Variants in SCAF8 observed in about 807,000 individuals in gnomAD.
SCAF8 encodes SR-related and CTD-associated factor 8.
In SCAF8, 23 loss-of-function variants were observed where a neutral mutation model predicts 140.5. The observed-to-expected ratio is 0.16, with a 90% CI of 0.12 to 0.23. The LOEUF is 0.23. Among genes scored for constraint, SCAF8 ranks in the 10% least tolerant of loss-of-function variants. SCAF8 has a pLI of 1.00. For synonymous variants in SCAF8, 575 were observed against 528.9 expected (o/e 1.09, Z -1.20); for missense variants, 1,397 against 1,555.7 (o/e 0.90, Z 1.72).
intron 1 of SCAF8, among the ~76,000 whole-genome samples, chr6:154,745,924 C>T (rs1778688266): frequency 6.6e-6 from 1 of 151,982 alleles, no homozygotes; most frequent in Admixed American, 6.6e-5. Context: ...CTGTCACTGT[C>T]ACCCAGGCTA....
intron 10 of SCAF8, 102 bp from the exon 11 acceptor site, chr6:154,808,584 A>G: frequency 1.3e-6 from 1 of 753,770 alleles, no homozygotes; most frequent in Non-Finnish European, 2.3e-6. Flanking sequence ...TGTATTAGGC[A>G]TTAATGCTCC....
chr6:154,747,540 T>C (rs1441218589), intron 1 of SCAF8, among the ~76,000 whole-genome samples: 1 of 151,978 alleles, frequency 6.6e-6, no homozygotes, highest in Non-Finnish European at 1.5e-5. Context: ...CATATACGTA[T>C]ACATATACCA....
intron 12 of SCAF8, 145 bp downstream of exon 12, chr6:154,810,353 CATG>C (rs1778054474): frequency 3.6e-6 from 2 of 562,864 alleles, no homozygotes; most frequent in Non-Finnish European, 6.1e-6. Flanking sequence ...GTTTTTGTAA[CATG>C]ATAGAGAAGA....
chr6:154,737,711 G>A lies in SCAF8; in HGVS notation c.30+3781G>A, dbSNP rs116797311. 9.5e-3 allele frequency among the ~76,000 whole-genome samples: 1,442 copies of A among 152,064 alleles called. 27 individuals are homozygous for A. The highest frequency in any genetic ancestry group is 0.033 in the African/African-American group (1,370 of 41,492). On this transcript the variant is annotated intron_variant, in intron 1 of 19. Transcript: ENST00000367178. ...TGCGACCCTGAATCAGAAAAATTGAGACAGGTACTCGCTGTTGACAGGTCA... is the reference window on the plus strand; with the variant it reads ...TGCGACCCTGAATCAGAAAAATTGAAACAGGTACTCGCTGTTGACAGGTCA...
intron 6 of SCAF8, among the ~76,000 whole-genome samples, chr6:154,799,770 GAC>G (rs1476524689): frequency 2.0e-5 from 3 of 150,382 alleles, no homozygotes; most frequent in African/African-American, 7.3e-5. Context: ...GGCCTTCAGT[GAC>G]TGCTATTTAT....
chr6:154,780,358 T>C (rs1262002456), intron 3 of SCAF8, among the ~76,000 whole-genome samples: 1 of 151,542 alleles, frequency 6.6e-6, no homozygotes, highest in African/African-American at 2.4e-5. Context: ...TCCTTCCTTT[T>C]TTTTTTTTTT....
chr6:154,803,826 C>G (rs1213582318), intron 8 of SCAF8, among the ~76,000 whole-genome samples: 1 of 152,074 alleles, frequency 6.6e-6, no homozygotes, highest in Admixed American at 6.6e-5. Flanking sequence ...TAGACTGTAT[C>G]AAAGTTACCT....
intron 17 of SCAF8, 81 bp from the exon 18 acceptor site, chr6:154,827,091 T>A (rs1778587902): frequency 5.3e-6 from 6 of 1,137,268 alleles, no homozygotes; most frequent in Non-Finnish European, 6.4e-6. Context: ...ATATGAAGTT[T>A]CATTTGTAGC....
At position 154,805,457 on chromosome 6, in the gene SCAF8, C is replaced by A; in HGVS notation, c.952C>A (p.Gln318Lys). 6.2e-7 allele frequency: 1 copy of A among 1,609,094 alleles called. No homozygotes were observed. Among genetic ancestry groups the A allele is most frequent in the Non-Finnish European group, 8.5e-7 (1 of 1,176,332 alleles). Reference protein sequence around the residue: ...QQQNLEHLRQQLLEQQQPQKA... With the variant: ...QQQNLEHLRQKLLEQQQPQKA... The stretch of plus-strand genomic sequence containing the variant: ...GCAAAACCTAGAACATCTCAGACAG[C>A]AGCTCTTGGAGCAGCAACAGCCTCA... Residue 318 changes from glutamine to lysine, a missense_variant, in exon 9 of 20, where the codon CAG (glutamine) becomes AAG (lysine). Physicochemically the swap from Gln to Lys is moderately conservative, Grantham distance 53. This residue lies in a region of SCAF8 where 339 missense variants were observed against 407.5 expected (regional missense o/e 0.83). Transcript: ENST00000367178.
chr6:154,792,406 C>T (rs1006607815), intron 4 of SCAF8, among the ~76,000 whole-genome samples: 5 of 152,156 alleles, frequency 3.3e-5, no homozygotes, highest in African/African-American at 1.2e-4. Context: ...CTACAAGTTA[C>T]GTATTTGTTC....
intron 12 of SCAF8, among the ~76,000 whole-genome samples, chr6:154,814,258 C>G (rs1369114223): frequency 2.0e-5 from 3 of 152,140 alleles, no homozygotes; most frequent in Non-Finnish European, 2.9e-5. Flanking sequence ...GTGAAAGTTG[C>G]AGAGAGCTGA....
chr6:154,785,561 T>G (rs80129123), intron 3 of SCAF8, among the ~76,000 whole-genome samples: 7 of 152,362 alleles, frequency 4.6e-5, no homozygotes, highest in South Asian at 2.1e-4. Flanking sequence ...ACCATTAGTA[T>G]TATTCAGTGC....
chr6:154,819,113 T>C (rs1778340266), intron 14 of SCAF8, among the ~76,000 whole-genome samples: 2 of 152,172 alleles, frequency 1.3e-5, no homozygotes, highest in Admixed American at 1.3e-4. Context: ...TTACTTTCTA[T>C]GATTAACTCA....
At chr6:154,791,758 TAC>T in intron 4 of SCAF8, among the ~76,000 whole-genome samples, 1 of 152,266 alleles carries the variant, frequency 6.6e-6, no homozygotes, top group South Asian at 2.1e-4. Flanking sequence ...ACTGGAACCT[TAC>T]AAAAAATACA....
Position 154,833,295 on chromosome 6 carries a change from A to C in SCAF8, c.3716A>C (p.Lys1239Thr), listed in dbSNP as rs538455805. ...PVQNDPELYEKLTSSNEINKE... is the reference protein window; with the variant it reads ...PVQNDPELYETLTSSNEINKE... Reference sequence around the variant, plus strand: ...CAGAATGATCCTGAACTTTATGAAAAACTGACATCTTCAAATGAAATAAAC... The same window carrying C: ...CAGAATGATCCTGAACTTTATGAAACACTGACATCTTCAAATGAAATAAAC... Residue 1239 changes from lysine (K) to threonine (T), a missense_variant, in exon 20 of 20, where the codon AAA becomes ACA. Physicochemically the swap from Lys to Thr is moderately conservative, Grantham distance 78. Coordinates refer to ENST00000367178, the MANE Select transcript of SCAF8 (RefSeq NM_014892.5). 6.2e-7 allele frequency: 1 copy of C among 1,614,036 alleles called. No individual in the cohort carries two copies. The highest frequency in any genetic ancestry group is 2.2e-5 in the East Asian group (1 of 44,846).
intron 16 of SCAF8, 110 bp downstream of exon 16, chr6:154,822,519 G>A: frequency 8.9e-7 from 1 of 1,125,976 alleles, no homozygotes; most frequent in Non-Finnish European, 1.3e-6. Flanking sequence ...TAGAATAAAT[G>A]TTTGTCAGTA....
At chr6:154,743,109 T>G (rs1285728019) in intron 1 of SCAF8, among the ~76,000 whole-genome samples, 2 of 152,200 alleles carry the variant, frequency 1.3e-5, no homozygotes, top group African/African-American at 4.8e-5. Flanking sequence ...CAGGCATTAC[T>G]GACTCCAGCA....
At chr6:154,760,345 AAATT>A (rs1779071343) in intron 1 of SCAF8, among the ~76,000 whole-genome samples, 1 of 152,146 alleles carries the variant, frequency 6.6e-6, no homozygotes, top group Non-Finnish European at 1.5e-5. Flanking sequence ...TTTTTTTTAA[AAATT>A]AAAGAGGATT....
In SCAF8 at chr6:154,833,429, A is replaced by G. The variant is rs1298168998; in HGVS notation, c.*34A>G. The G allele has an allele frequency of 1.9e-6, 3 of 1,583,962 alleles. No individual in the cohort carries two copies. The highest frequency in any genetic ancestry group is 2.6e-6 in the Non-Finnish European group (3 of 1,166,748). On this transcript the variant is annotated 3_prime_UTR_variant, in exon 20 of 20. Transcript: ENST00000367178. The stretch of plus-strand genomic sequence containing the variant: ...CAGTAGGTAAAAGATACCTTTTGTA[A>G]AGTTGTCATCTCTCTGTAATAGATA...
Sources: gnomAD v4.1 joint callset for allele counts (sites outside exome capture counted in the v4.1 genomes callset) on GRCh38, gnomAD v4.1.1 for gene constraint, gnomAD v4.1.1 regional missense constraint, MANE v1.5 for transcripts, NCBI Gene and HGNC (gene_info 2026-07-23, HGNC 2026-07-21) for gene names.